The following ELP4 variants were observed in gnomAD, a reference collection of about 807,000 sequenced individuals.
ELP4 encodes elongator complex protein 4.
ELP4 carries 51 observed loss-of-function variants against 48.9 expected under a neutral mutation model. The ratio of observed to expected loss-of-function variants is 1.04; its 90% CI spans 0.83 to 1.32. ELP4 has a LOEUF of 1.32. ELP4 is among the 40% of genes most tolerant of loss of function. ELP4 has a pLI of 0.00. For synonymous variants in ELP4, 210 were observed against 189.2 expected (o/e 1.11, Z -0.90); for missense variants, 519 against 514.6 (o/e 1.01, Z -0.08).
chr11:31,542,667 C>A (rs768908491), intron 3 of ELP4, among the ~76,000 whole-genome samples: 4 of 152,104 alleles, frequency 2.6e-5, no homozygotes, highest in African/African-American at 9.7e-5. Flanking sequence ...CAACTGTTTT[C>A]AAGTACCTTA....
chr11:31,731,587 T>TGG (rs1359083538), intron 9 of ELP4, among the ~76,000 whole-genome samples: 1 of 151,498 alleles, frequency 6.6e-6, no homozygotes, highest in Admixed American at 6.6e-5. Flanking sequence ...TGTGTGTGTG[T>TGG]GTGTGTGTGT....
chr11:31,626,741 A>G (rs1944752609), intron 5 of ELP4, among the ~76,000 whole-genome samples: 2 of 151,904 alleles, frequency 1.3e-5, no homozygotes, highest in Non-Finnish European at 2.9e-5. Flanking sequence ...ATAGCAGTTC[A>G]TTAACTATGT....
At chr11:31,679,792 G>A (rs2134120479) in intron 9 of ELP4, among the ~76,000 whole-genome samples, 1 of 152,212 alleles carries the variant, frequency 6.6e-6, no homozygotes, top group South Asian at 2.1e-4. Context: ...ATAAGCTTTA[G>A]AGTCAGTTTG....
rs1948628061 is a variant in ELP4 at position 31,786,397 on chromosome 11, C to G, written c.*2873C>G. ...TAACCCTAAGTACTTACACTTTGAACTTTAAAACCGAGCAGTTGAGTCATT... is the reference window on the plus strand; with the variant it reads ...TAACCCTAAGTACTTACACTTTGAAGTTTAAAACCGAGCAGTTGAGTCATT... On this transcript the variant is annotated 3_prime_UTR_variant, in exon 10 of 10. Coordinates refer to ENST00000640961, the MANE Select transcript of ELP4 (RefSeq NM_019040.5). 4.7e-6 allele frequency: 1 copy of G among 214,350 alleles called. No homozygotes were observed. The highest frequency in any genetic ancestry group is 9.4e-6 in the Non-Finnish European group (1 of 106,204). The allele number at this position is 214,350 out of a possible 1,614,324, so 13.3% of individuals were successfully genotyped here.
chr11:31,741,743 T>C (rs1311832828), intron 9 of ELP4, among the ~76,000 whole-genome samples: 2 of 152,220 alleles, frequency 1.3e-5, no homozygotes, highest in Non-Finnish European at 2.9e-5. Context: ...AAAACCCATC[T>C]GTACGTCACC....
intron 9 of ELP4, among the ~76,000 whole-genome samples, chr11:31,694,514 T>C (rs1271322036): frequency 6.6e-6 from 1 of 152,176 alleles, no homozygotes; most frequent in Non-Finnish European, 1.5e-5. Context: ...TCTGTTCCAT[T>C]GGTCTATATC....
chr11:31,721,119 C>A (rs1420029906), intron 9 of ELP4, among the ~76,000 whole-genome samples: 1 of 152,204 alleles, frequency 6.6e-6, no homozygotes, highest in Non-Finnish European at 1.5e-5. Context: ...AGTACATATT[C>A]AGGCTTTGTT....
chr11:31,518,095 T>C (rs1315104559), intron 1 of ELP4, among the ~76,000 whole-genome samples: 3 of 151,866 alleles, frequency 2.0e-5, no homozygotes, highest in Non-Finnish European at 4.4e-5. Context: ...CTAATTTCTT[T>C]AATTCTTTTT....
intron 5 of ELP4, among the ~76,000 whole-genome samples, chr11:31,617,305 T>C (rs1305735014): frequency 6.6e-6 from 1 of 152,100 alleles, no homozygotes; most frequent in Non-Finnish European, 1.5e-5. Context: ...AACCTTGACA[T>C]TGTACTAAGT....
chr11:31,560,710 G>GTTGTTTTATATATATATAAAACAACA (rs1262085149), intron 3 of ELP4, among the ~76,000 whole-genome samples: 57 of 141,214 alleles, frequency 4.0e-4, no homozygotes, highest in African/African-American at 1.3e-3. Context: ...ATAAAACAAC[G>GTTGTTTTATATATATATAAAACAACA]TTGTTTTATA....
At chr11:31,771,203 G>GGAGGGT (rs1175472342) in intron 9 of ELP4, among the ~76,000 whole-genome samples, 5 of 152,168 alleles carry the variant, frequency 3.3e-5, no homozygotes, top group Non-Finnish European at 5.9e-5. Context: ...CCCCACAGAA[G>GGAGGGT]GAGGGTGAGG....
chr11:31,765,042 C>G (rs1364738917), intron 9 of ELP4, among the ~76,000 whole-genome samples: 1 of 152,144 alleles, frequency 6.6e-6, no homozygotes, highest in Non-Finnish European at 1.5e-5. Flanking sequence ...GCACCCATCC[C>G]ACTCCTCAGC....
intron 9 of ELP4, among the ~76,000 whole-genome samples, chr11:31,777,395 G>T (rs1452296972): frequency 6.6e-6 from 1 of 152,118 alleles, no homozygotes; most frequent in African/African-American, 2.4e-5. Flanking sequence ...GGACTAGTGG[G>T]GTCATCAGGT....
intron 9 of ELP4, among the ~76,000 whole-genome samples, chr11:31,680,968 G>A (rs10488689): frequency 1.3e-5 from 2 of 151,878 alleles, no homozygotes; most frequent in African/African-American, 4.8e-5. Context: ...ATTAGCTGAC[G>A]TATCAAAAAA....
chr11:31,618,539 C>G (rs935020793), intron 5 of ELP4, among the ~76,000 whole-genome samples: 2 of 152,044 alleles, frequency 1.3e-5, no homozygotes, highest in Non-Finnish European at 2.9e-5. Flanking sequence ...GCCAAATCAC[C>G]TTTCAAAGGT....
At chr11:31,705,768 ACAT>A (rs1282838006) in intron 9 of ELP4, among the ~76,000 whole-genome samples, 12 of 152,352 alleles carry the variant, frequency 7.9e-5, no homozygotes, top group African/African-American at 2.9e-4. Context: ...TGATATTTAA[ACAT>A]CATAAATGTT....
At chr11:31,596,717 A>G (rs564328482) in intron 4 of ELP4, among the ~76,000 whole-genome samples, 5 of 152,352 alleles carry the variant, frequency 3.3e-5, no homozygotes, top group Admixed American at 2.6e-4. Flanking sequence ...TGTGATTTAA[A>G]TGACTGTGAA....
intron 9 of ELP4, chr11:31,779,638 T>G (rs1376966642): frequency 6.6e-6 from 1 of 152,280 alleles, no homozygotes; most frequent in East Asian, 1.9e-4. Flanking sequence ...CCCATGGGCC[T>G]AAGGGTGCCT....
At chr11:31,704,702 C>A (rs1477168080) in intron 9 of ELP4, among the ~76,000 whole-genome samples, 1 of 151,472 alleles carries the variant, frequency 6.6e-6, no homozygotes, top group Admixed American at 6.6e-5. Context: ...GAAAACACTA[C>A]TCTTGTTTAT....
Sources: gnomAD v4.1 joint callset for allele counts (sites outside exome capture counted in the v4.1 genomes callset) on GRCh38, gnomAD v4.1.1 for gene constraint, MANE v1.5 for transcripts, NCBI Gene and HGNC (gene_info 2026-07-23, HGNC 2026-07-21) for gene names.